CSMD1: variants seen among roughly 807,000 people sequenced by gnomAD.
CSMD1 encodes the protein CUB and sushi domain-containing protein 1.
CSMD1 carries 213 observed loss-of-function variants against 417.5 expected under a neutral mutation model. That is an observed-to-expected ratio of 0.51 (90% CI 0.46 to 0.57). The LOEUF (loss-of-function observed/expected upper bound fraction) is 0.57, where lower values mean the gene tolerates loss of function less well. Ranked by LOEUF, CSMD1 falls within the 20% of genes least tolerant of loss-of-function variation. The pLI is 0.00. For synonymous variants in CSMD1, 2,862 were observed against 1,736.8 expected (o/e 1.65, Z -16.11); for missense variants, 6,923 against 4,529.7 (o/e 1.53, Z -15.17).
Position 4,440,194 on chromosome 8 carries a change from G to C in CSMD1, c.303-20129C>G, listed in dbSNP as rs79989166. On this transcript the variant is annotated intron_variant, in intron 2 of 69. Transcript: ENST00000635120. ...TAGATTAATAATGTAGAAATCTTTT[G>C]ATCCAGCAACCTTTTGAAATATGCC... Among the ~76,000 whole-genome samples, 194 of 152,208 alleles carry C rather than the reference G, an allele frequency of 1.3e-3. 2 individuals are homozygous for C. In the East Asian group the frequency reaches 0.034, roughly 27 times the overall value.
chr8:3,290,130 T>C (rs1803440707), intron 25 of CSMD1, among the ~76,000 whole-genome samples: 1 of 146,740 alleles, frequency 6.8e-6, no homozygotes, highest in Admixed American at 6.7e-5. Context: ...AAAGATCAGA[T>C]AGTTGTAGAT....
chr8:3,697,265 G>A (rs917204226), intron 7 of CSMD1, among the ~76,000 whole-genome samples: 2 of 152,092 alleles, frequency 1.3e-5, no homozygotes, highest in Non-Finnish European at 2.9e-5. Flanking sequence ...AATTCTGTAA[G>A]CACTCTAATG....
chr8:3,563,831 G>C (rs767247152), intron 10 of CSMD1, among the ~76,000 whole-genome samples: 7 of 152,154 alleles, frequency 4.6e-5, no homozygotes, highest in Non-Finnish European at 8.8e-5. Flanking sequence ...GGAGGTTGCA[G>C]TGAGCCAAGA....
chr8:4,372,287 C>T (rs114824983), intron 3 of CSMD1, among the ~76,000 whole-genome samples: 1,884 of 152,208 alleles, frequency 0.012, 34 homozygotes, highest in African/African-American at 0.042. Context: ...TTTATTAAGT[C>T]TGTGGGTTAA....
intron 5 of CSMD1, among the ~76,000 whole-genome samples, chr8:3,959,164 G>C (rs1585035503): frequency 6.6e-6 from 1 of 152,198 alleles, no homozygotes; most frequent in East Asian, 1.9e-4. Flanking sequence ...TTGAGTATAA[G>C]AAGTTACAGG....
At chr8:3,861,117 T>C (rs1388427903) in intron 5 of CSMD1, among the ~76,000 whole-genome samples, 3 of 152,144 alleles carry the variant, frequency 2.0e-5, no homozygotes, top group African/African-American at 4.8e-5. Context: ...AGGACGTGGC[T>C]TTCTATCATA....
intron 3 of CSMD1, among the ~76,000 whole-genome samples, chr8:4,101,146 G>A (rs1451663657): frequency 1.3e-5 from 2 of 152,326 alleles, no homozygotes; most frequent in Admixed American, 1.3e-4. Flanking sequence ...GGACACTTAA[G>A]AACCACTCTA....
Position 4,758,660 on chromosome 8 carries a change from C to A in CSMD1, c.86-121102G>T, listed in dbSNP as rs182743106. Among the ~76,000 whole-genome samples, 393 of 152,264 alleles carry A rather than the reference C, an allele frequency of 2.6e-3. 1 individual carries two copies. Among genetic ancestry groups the A allele is most frequent in the African/African-American group, 9.1e-3 (378 of 41,542 alleles). ...GGGGAGGCCTCAGGAAACTTACAAT[C>A]ATGGCAAAAGGAATAGTGGACACAT... On this transcript the variant is annotated intron_variant, in intron 1 of 69. Coordinates refer to ENST00000635120, the MANE Select transcript of CSMD1 (RefSeq NM_033225.6).
intron 67 of CSMD1, among the ~76,000 whole-genome samples, chr8:2,949,847 A>T (rs543770438): frequency 1.1e-3 from 170 of 152,246 alleles, no homozygotes; most frequent in Non-Finnish European, 2.1e-3. Context: ...GGATGTCTTA[A>T]ATCTTTCTAT....
chr8:3,738,527 G>C (rs1425090485), intron 6 of CSMD1, among the ~76,000 whole-genome samples: 4 of 152,142 alleles, frequency 2.6e-5, no homozygotes, highest in Admixed American at 6.5e-5. Context: ...GCAAATACTG[G>C]TCCTGCCGCC....
intron 3 of CSMD1, among the ~76,000 whole-genome samples, chr8:4,236,039 G>GTTTTTTTTTT (rs869245155): frequency 9.5e-5 from 3 of 31,682 alleles, no homozygotes; most frequent in African/African-American, 1.4e-4. Context: ...TTTTTTGTTT[G>GTTTTTTTTTT]TTTTTTTTTT....
intron 2 of CSMD1, among the ~76,000 whole-genome samples, chr8:4,606,539 G>A (rs1800878590): frequency 6.6e-6 from 1 of 152,128 alleles, no homozygotes; most frequent in African/African-American, 2.4e-5. Flanking sequence ...AATGGCAGCA[G>A]GGCTGTCAGC....
chr8:4,022,530 C>A (rs1055539602), intron 4 of CSMD1, among the ~76,000 whole-genome samples: 3 of 152,150 alleles, frequency 2.0e-5, no homozygotes, highest in African/African-American at 7.2e-5. Context: ...TGAGGTGAAA[C>A]TGAGGCACAA....
At chr8:3,740,097 C>G (rs907587750) in intron 6 of CSMD1, among the ~76,000 whole-genome samples, 3 of 152,038 alleles carry the variant, frequency 2.0e-5, no homozygotes, top group South Asian at 2.1e-4. Context: ...ATTCATTTTA[C>G]AAAATTTTAT....
intron 3 of CSMD1, among the ~76,000 whole-genome samples, chr8:4,139,125 C>T (rs932500548): frequency 9.2e-5 from 14 of 152,174 alleles, no homozygotes; most frequent in Admixed American, 4.6e-4. Flanking sequence ...CCCTGTGATT[C>T]TAATCCTGGA....
chr8:3,384,422 C>A (rs907108433), intron 18 of CSMD1, among the ~76,000 whole-genome samples: 4 of 151,580 alleles, frequency 2.6e-5, no homozygotes, highest in Non-Finnish European at 5.9e-5. Flanking sequence ...TCTGTACAGA[C>A]AAAGATCTGT....
At chr8:3,392,084 C>A (rs546182048) in intron 17 of CSMD1, among the ~76,000 whole-genome samples, 6 of 129,310 alleles carry the variant, frequency 4.6e-5, no homozygotes, top group African/African-American at 1.8e-4. Flanking sequence ...GGAAGGGGAA[C>A]ATCACACACC....
At chr8:4,760,096 G>A (rs1037344542) in intron 1 of CSMD1, among the ~76,000 whole-genome samples, 3 of 152,052 alleles carry the variant, frequency 2.0e-5, no homozygotes, top group Admixed American at 2.0e-4. Context: ...TTTTTAATAA[G>A]CATCATTCTG....
intron 5 of CSMD1, among the ~76,000 whole-genome samples, chr8:3,838,210 T>C (rs1411269118): frequency 6.6e-6 from 1 of 151,954 alleles, no homozygotes; most frequent in Non-Finnish European, 1.5e-5. Flanking sequence ...GATAGATAAC[T>C]ATGACAGAAA....
Sources: allele counts gnomAD v4.1 joint callset (sites outside exome capture counted in the v4.1 genomes callset), GRCh38; gene constraint gnomAD v4.1.1; transcripts MANE v1.5; gene names NCBI Gene and HGNC (gene_info 2026-07-23, HGNC 2026-07-21).